Variants in WDR7 observed in about 807,000 individuals in gnomAD.
WDR7 encodes the protein WD repeat-containing protein 7.
WDR7 carries 46 observed loss-of-function variants against 169.4 expected under a neutral mutation model. The observed-to-expected ratio is 0.27, with a 90% CI of 0.21 to 0.35. WDR7 has a LOEUF of 0.35. Among genes scored for constraint, WDR7 ranks in the 10% least tolerant of loss-of-function variants. The pLI is 1.00. For synonymous variants in WDR7, 612 were observed against 666.8 expected (o/e 0.92, Z 1.27); for missense variants, 1,534 against 1,859.3 (o/e 0.83, Z 3.22).
chr18:56,757,420 G>C, intron 15 of WDR7, 68 bp downstream of exon 15: 2 of 1,405,106 alleles, frequency 1.4e-6, no homozygotes, highest in Admixed American at 2.3e-5. Context: ...TTTTTTCATT[G>C]TTGATTACTC....
chr18:56,691,873 A>G (rs1555678250), intron 9 of WDR7, 56 bp downstream of exon 9: 4 of 1,384,740 alleles, frequency 2.9e-6, no homozygotes, highest in South Asian at 2.5e-5. Flanking sequence ...AACTTCTACA[A>G]CTGTATTTAT....
chr18:56,747,795 G>A (rs1165090132), intron 14 of WDR7, among the ~76,000 whole-genome samples: 2 of 152,172 alleles, frequency 1.3e-5, no homozygotes, highest in Admixed American at 6.5e-5. Flanking sequence ...AAGTTGGATC[G>A]TGATGAGGGA....
At chr18:56,900,733 A>AG (rs2046390963) in intron 21 of WDR7, among the ~76,000 whole-genome samples, 1 of 152,094 alleles carries the variant, frequency 6.6e-6, no homozygotes, top group Non-Finnish European at 1.5e-5. Context: ...CTTGTTGCTA[A>AG]TCTGGAAGTT....
At chr18:57,026,423 A>G (rs2048367035) in intron 27 of WDR7, among the ~76,000 whole-genome samples, 1 of 152,246 alleles carries the variant, frequency 6.6e-6, no homozygotes, top group Non-Finnish European at 1.5e-5. Flanking sequence ...TCTGCACTTT[A>G]TAATAAGCAA....
intron 21 of WDR7, chr18:56,890,758 A>C (rs1490812168): frequency 6.6e-6 from 1 of 152,050 alleles, no homozygotes. Flanking sequence ...CTCTTCTCTG[A>C]CTTGTTTGTT....
intron 21 of WDR7, among the ~76,000 whole-genome samples, chr18:56,902,985 C>T (rs1350653551): frequency 1.3e-5 from 2 of 152,218 alleles, no homozygotes; most frequent in East Asian, 1.9e-4. Flanking sequence ...GCCCTCCTGA[C>T]ACACCACCCA....
intron 20 of WDR7, among the ~76,000 whole-genome samples, chr18:56,836,624 T>C (rs907132047): frequency 1.3e-5 from 2 of 152,222 alleles, no homozygotes; most frequent in African/African-American, 4.8e-5. Context: ...AAATATTCAT[T>C]TTCTTGCGTC....
chr18:57,020,984 A>G, intron 27 of WDR7, 135 bp downstream of exon 27: 2 of 717,482 alleles, frequency 2.8e-6, no homozygotes, highest in South Asian at 1.8e-5. Context: ...TCCAGTCTGT[A>G]TTGATTGCTG....
At position 57,028,152 on chromosome 18, in the gene WDR7, T is replaced by G. The variant is rs919039651; in HGVS notation, c.*945T>G. ...CTGTAGTTCCCATATGTGTGGCATA[T>G]GTCAGTTATGAAATTATTATAATTC... On this transcript the variant is annotated 3_prime_UTR_variant, in exon 28 of 28. Coordinates refer to ENST00000254442, the MANE Select transcript of WDR7 (RefSeq NM_015285.3). 6.6e-6 allele frequency: 1 copy of G among 152,208 alleles called. No homozygotes were observed. Among genetic ancestry groups the G allele is most frequent in the Non-Finnish European group, 1.5e-5 (1 of 68,034 alleles). The allele number at this position is 152,208 out of a possible 1,614,324, so 9.4% of individuals were successfully genotyped here.
At chr18:56,898,249 A>G (rs531156888) in intron 21 of WDR7, among the ~76,000 whole-genome samples, 1 of 152,198 alleles carries the variant, frequency 6.6e-6, no homozygotes, top group Admixed American at 6.6e-5. Context: ...ATGAAGCCAT[A>G]CTATTAGAAT....
chr18:56,908,333 A>C (rs925985985), intron 21 of WDR7, among the ~76,000 whole-genome samples: 3 of 152,322 alleles, frequency 2.0e-5, no homozygotes, highest in Admixed American at 2.0e-4. Context: ...AATTTCTGCC[A>C]TCCTTGGGAA....
At chr18:56,907,346 A>G (rs2046492751) in intron 21 of WDR7, among the ~76,000 whole-genome samples, 1 of 152,160 alleles carries the variant, frequency 6.6e-6, no homozygotes, top group Non-Finnish European at 1.5e-5. Context: ...GACAACAGTT[A>G]TAATGACAAT....
Position 56,758,964 on chromosome 18 carries a change from A to G in WDR7, c.2848+11A>G, listed in dbSNP as rs765037283. On this transcript the variant is annotated intron_variant, in intron 16 of 27. Coordinates refer to ENST00000254442, the MANE Select transcript of WDR7 (RefSeq NM_015285.3). ...GACAGATTAAACAAGGTAAAATTAA[A>G]TCTTATTAAGTAATTGACATGACAT... 6.2e-6 allele frequency: 10 copies of G among 1,602,034 alleles called. No homozygotes were observed. In the South Asian group the frequency reaches 8.9e-5, roughly 14 times the overall value.
chr18:56,896,354 G>A (rs866519382), intron 21 of WDR7, among the ~76,000 whole-genome samples: 1 of 151,766 alleles, frequency 6.6e-6, no homozygotes, highest in African/African-American at 2.4e-5. Context: ...AAATTTATAT[G>A]AGAGAGCAAT....
At chr18:57,022,430 A>G (rs2048305886) in intron 27 of WDR7, among the ~76,000 whole-genome samples, 1 of 152,182 alleles carries the variant, frequency 6.6e-6, no homozygotes, top group Admixed American at 6.5e-5. Flanking sequence ...TCAGTAAGTC[A>G]TGGGTCCGTG....
chr18:56,995,304 T>G (rs982986349), intron 26 of WDR7, among the ~76,000 whole-genome samples: 3 of 152,256 alleles, frequency 2.0e-5, no homozygotes, highest in African/African-American at 7.2e-5. Flanking sequence ...TTCCCTGATA[T>G]TCCATGGCAG....
chr18:56,947,648 T>C (rs1294065753), intron 25 of WDR7, among the ~76,000 whole-genome samples: 1 of 152,152 alleles, frequency 6.6e-6, no homozygotes. Flanking sequence ...CTTGACTCAG[T>C]TGGATTATGT....
chr18:56,810,228 C>T (rs2044846015), intron 19 of WDR7, among the ~76,000 whole-genome samples: 1 of 152,038 alleles, frequency 6.6e-6, no homozygotes, highest in Non-Finnish European at 1.5e-5. Context: ...TCAGATTTTC[C>T]TTAAAGCAAA....
At chr18:56,691,559 A>G (rs538151391) in intron 8 of WDR7, among the ~76,000 whole-genome samples, 156 bp from the exon 9 acceptor site, 99 of 152,222 alleles carry the variant, frequency 6.5e-4, no homozygotes, top group Non-Finnish European at 1.3e-3. Context: ...TTGAAGGACA[A>G]TATTTTTATA....
Sources: gnomAD v4.1 joint callset for allele counts (sites outside exome capture counted in the v4.1 genomes callset) on GRCh38, gnomAD v4.1.1 for gene constraint, MANE v1.5 for transcripts, NCBI Gene and HGNC (gene_info 2026-07-23, HGNC 2026-07-21) for gene names.